The following FHL5 variants were observed in gnomAD, a reference collection of about 807,000 sequenced individuals.
FHL5 encodes four and a half LIM domains 5.
A neutral mutation model predicts 32.0 loss-of-function variants in FHL5; 33 were observed. The ratio of observed to expected loss-of-function variants is 1.03; its 90% CI spans 0.78 to 1.38. FHL5 has a LOEUF of 1.38. Among genes scored for constraint, FHL5 ranks in the 40% most tolerant of loss-of-function variants. The pLI is 0.00. For missense variants in FHL5, 336 were observed against 343.9 expected (o/e 0.98, Z 0.18); for synonymous variants, 114 against 113.6 (o/e 1.00, Z -0.02).
intron 1 of FHL5, among the ~76,000 whole-genome samples, chr6:96,599,897 C>A (rs2127970751): frequency 6.6e-6 from 1 of 152,184 alleles, no homozygotes; most frequent in Admixed American, 6.5e-5. Context: ...TCTTTGAAAG[C>A]AAAAATTTTC....
chr6:96,602,643 T>C (rs1483830825), intron 1 of FHL5, among the ~76,000 whole-genome samples: 1 of 152,010 alleles, frequency 6.6e-6, no homozygotes, highest in Non-Finnish European at 1.5e-5. Flanking sequence ...TCAGAGTCCT[T>C]ATCTATCACT....
intron 1 of FHL5, 27 bp from the exon 2 acceptor site, chr6:96,603,575 A>G (rs745874933): frequency 8.3e-6 from 13 of 1,561,130 alleles, no homozygotes; most frequent in Non-Finnish European, 1.0e-5. Flanking sequence ...CTGCTTTTAT[A>G]TACATTAATC....
intron 4 of FHL5, among the ~76,000 whole-genome samples, chr6:96,609,671 T>C (rs548339073): frequency 2.6e-5 from 4 of 152,366 alleles, no homozygotes; most frequent in Non-Finnish European, 5.9e-5. Flanking sequence ...TTGGAATTGC[T>C]TTCCAACTAT....
At position 96,599,283 on chromosome 6, in the gene FHL5, C is replaced by A. The variant is rs750964457; in HGVS notation, c.-12-4319C>A. Among the ~76,000 whole-genome samples the A allele has an allele frequency of 5.7e-4, 86 of 150,800 alleles. 1 individual carries two copies. Among genetic ancestry groups the A allele is most frequent in the Non-Finnish European group, 1.0e-3 (70 of 67,848 alleles). Reference sequence around the variant, plus strand: ...CGATCTAGGCTCACTGCAACCTTCACCTCCTGGGTTCAAGTGATTCTCCTG... The same window carrying A: ...CGATCTAGGCTCACTGCAACCTTCAACTCCTGGGTTCAAGTGATTCTCCTG... On this transcript the variant is annotated intron_variant, in intron 1 of 5. Coordinates refer to ENST00000450218, the MANE Select transcript of FHL5 (RefSeq NM_001322466.2).
rs778038015 is a variant in FHL5, at chr6:96,570,266, A to AT, written c.-13+6919dup. ...CTGGGTATAGTATTCTTAGCTAGCAATTTTTTTTCTTCTTTCACCATTTTG... is the reference window on the plus strand; with the variant it reads ...CTGGGTATAGTATTCTTAGCTAGCAATTTTTTTTTCTTCTTTCACCATTTTG... On this transcript the variant is annotated intron_variant, in intron 1 of 5. Transcript: ENST00000450218. 1.6e-4 allele frequency among the ~76,000 whole-genome samples: 25 copies of AT among 151,726 alleles called. No homozygotes were observed. The South Asian group carries it at 2.7e-3, about 16-fold the overall frequency.
Position 96,583,516 on chromosome 6 carries a change from T to C in FHL5, c.-12-20086T>C, listed in dbSNP as rs1221007598. ...GTCACGATACGGTAGCCTCCAAAGT[T>C]TTATGCATAGACCAGAAAGGCTCAT... On this transcript the variant is annotated intron_variant, in intron 1 of 5. Coordinates refer to ENST00000450218, the MANE Select transcript of FHL5 (RefSeq NM_001322466.2). 2.6e-5 allele frequency among the ~76,000 whole-genome samples: 4 copies of C among 152,228 alleles called. No homozygotes were observed. The East Asian group carries it at 7.7e-4, about 29-fold the overall frequency.
At chr6:96,604,983 C>A in intron 3 of FHL5, 59 bp downstream of exon 3, 2 of 1,385,046 alleles carry the variant, frequency 1.4e-6, no homozygotes, top group Non-Finnish European at 2.0e-6. Flanking sequence ...TCATTAAGTC[C>A]CAGCACATGA....
In FHL5 at chr6:96,616,023, A is replaced by T; in HGVS notation, c.*251A>T. Reference sequence around the variant, plus strand: ...TACTGCACTCTGCTGTTAGAAGCAGAGGAAAATATCTCTTCATAATCAAAT... The same window carrying T: ...TACTGCACTCTGCTGTTAGAAGCAGTGGAAAATATCTCTTCATAATCAAAT... On this transcript the variant is annotated 3_prime_UTR_variant, in exon 6 of 6. Transcript: ENST00000450218. The T allele has an allele frequency of 3.6e-6, 1 of 275,694 alleles. No homozygotes were observed. 17.1% of individuals were successfully genotyped at this position (275,694 alleles called of 1,614,324 possible).
chr6:96,585,678 T>G (rs1030768370), intron 1 of FHL5, among the ~76,000 whole-genome samples: 6 of 152,192 alleles, frequency 3.9e-5, no homozygotes, highest in Middle Eastern at 3.2e-3. Context: ...ATCAATGCAG[T>G]AACTTATAAT....
At chr6:96,602,386 C>T (rs1771166518) in intron 1 of FHL5, among the ~76,000 whole-genome samples, 1 of 125,420 alleles carries the variant, frequency 8.0e-6, no homozygotes, top group Non-Finnish European at 1.6e-5. Flanking sequence ...AATTCATGTT[C>T]AATGCCTAAT....
Position 96,610,476 on chromosome 6 carries a change from T to A in FHL5, c.505-96T>A, listed in dbSNP as rs187714886. The A allele has an allele frequency of 4.4e-3, 3,989 of 900,708 alleles. 28 individuals carry two copies. Among genetic ancestry groups the A allele is most frequent in the Non-Finnish European group, 5.9e-3 (3,449 of 582,716 alleles). 55.8% of individuals were successfully genotyped at this position (900,708 alleles called of 1,614,324 possible). On this transcript the variant is annotated intron_variant, in intron 4 of 5. Coordinates refer to ENST00000450218, the MANE Select transcript of FHL5 (RefSeq NM_001322466.2). ...TCTTTTTTTTTTCTTTTTGCTTCCT[T>A]TTCTCCCCAGAGATACTAGGATCTC...
intron 5 of FHL5, 67 bp from the exon 6 acceptor site, chr6:96,615,542 A>G: frequency 7.5e-7 from 1 of 1,328,754 alleles, no homozygotes; most frequent in Non-Finnish European, 1.0e-6. Flanking sequence ...CTAGAGGAGC[A>G]TCTGCTAGAA....
At chr6:96,595,560 TAA>T (rs1310377314) in intron 1 of FHL5, among the ~76,000 whole-genome samples, 4 of 151,926 alleles carry the variant, frequency 2.6e-5, no homozygotes, top group Admixed American at 2.0e-4. Flanking sequence ...TGAAATTCTG[TAA>T]AGACTTAGGT....
chr6:96,567,591 T>A (rs1770383835), intron 1 of FHL5, among the ~76,000 whole-genome samples: 1 of 151,842 alleles, frequency 6.6e-6, no homozygotes, highest in Non-Finnish European at 1.5e-5. Context: ...TGTATTAATT[T>A]TTACAATATT....
intron 1 of FHL5, among the ~76,000 whole-genome samples, chr6:96,594,228 TA>T (rs1256021085): frequency 0.052 from 222 of 4,230 alleles, 1 homozygote; most frequent in Non-Finnish European, 0.094. Context: ...TATTAGAATT[TA>T]TATATATATA....
chr6:96,610,712 C>A lies in FHL5; in HGVS notation c.645C>A (p.Asn215Lys), dbSNP rs1178727328. The A allele has an allele frequency of 3.1e-6, 5 of 1,613,894 alleles. No individual in the cohort carries two copies. The highest frequency in any genetic ancestry group is 1.1e-5 in the South Asian group (1 of 91,070). ...DDYPFCVDCY[N>K]HLYANKCVAC... The stretch of plus-strand genomic sequence containing the variant: ...ATCCATTCTGCGTGGACTGCTACAA[C>A]CATCTTTATGCCAACAAGTGTGTAG... Residue 215 changes from asparagine (N) to lysine (K), a missense_variant, in exon 5 of 6, where the codon AAC (asparagine) becomes AAA (lysine). By Grantham distance (94) the Asn-to-Lys change is moderately conservative. Transcript: ENST00000450218.
Position 96,594,743 on chromosome 6 carries a change from T to TA in FHL5, c.-12-8858dup, listed in dbSNP as rs150165287. 8.4e-4 allele frequency among the ~76,000 whole-genome samples: 128 copies of TA among 152,132 alleles called. 4 individuals are homozygous for TA. In the East Asian group the frequency reaches 0.023, roughly 27 times the overall value. On this transcript the variant is annotated intron_variant, in intron 1 of 5. Coordinates refer to ENST00000450218, the MANE Select transcript of FHL5 (RefSeq NM_001322466.2). ...GTTTTCTAGTTTTCTTTTTCCTACG[T>TA]ACTTTCTATGAAATAATTTTGTTTT...
chr6:96,573,191 A>G (rs1770516190), intron 1 of FHL5, among the ~76,000 whole-genome samples: 1 of 152,186 alleles, frequency 6.6e-6, no homozygotes, highest in Admixed American at 6.6e-5. Context: ...CAAGGTGTTC[A>G]ATTTTCTTTA....
At chr6:96,592,923 G>A (rs1770952453) in intron 1 of FHL5, among the ~76,000 whole-genome samples, 1 of 151,970 alleles carries the variant, frequency 6.6e-6, no homozygotes, top group Non-Finnish European at 1.5e-5. Flanking sequence ...TTAAAATTTG[G>A]GGCATGTATT....
Sources: gnomAD v4.1 joint callset for allele counts (sites outside exome capture counted in the v4.1 genomes callset) on GRCh38, gnomAD v4.1.1 for gene constraint, MANE v1.5 for transcripts, NCBI Gene and HGNC (gene_info 2026-07-23, HGNC 2026-07-21) for gene names.